Variants in GNAQ observed in about 807,000 individuals in gnomAD.
The protein encoded by GNAQ is G protein subunit alpha q.
GNAQ carries 8 observed loss-of-function variants against 43.9 expected under a neutral mutation model. The observed-to-expected ratio is 0.18, with a 90% CI of 0.11 to 0.33. The LOEUF (loss-of-function observed/expected upper bound fraction) is 0.33. Ranked by LOEUF, GNAQ falls within the 10% of genes least tolerant of loss-of-function variation. The pLI is 1.00. For synonymous variants in GNAQ, 155 were observed against 170.7 expected, an observed-to-expected ratio of 0.91 and a Z score of 0.71; for missense variants, 158 against 450.8, an observed-to-expected ratio of 0.35 and a Z score of 5.88.
At chr9:78,020,316 C>T (rs1198533773) in intron 1 of GNAQ, among the ~76,000 whole-genome samples, 1 of 152,014 alleles carries the variant, frequency 6.6e-6, no homozygotes, top group Non-Finnish European at 1.5e-5. Context: ...TCACCTGAAA[C>T]AGCTGACAGA....
At chr9:77,797,718 G>A (rs2118457493) in intron 3 of GNAQ, 70 bp from the exon 4 acceptor site, 23 of 1,385,070 alleles carry the variant, frequency 1.7e-5, no homozygotes, top group Admixed American at 5.8e-5. Context: ...GGAAAGGGAA[G>A]GACAAAAATG....
At chr9:77,950,354 T>C (rs958242384) in intron 1 of GNAQ, among the ~76,000 whole-genome samples, 20 of 152,338 alleles carry the variant, frequency 1.3e-4, no homozygotes, top group African/African-American at 4.8e-4. Flanking sequence ...CCACGCTACA[T>C]GGCTGTCACT....
chr9:78,008,841 T>C (rs990146460), intron 1 of GNAQ, among the ~76,000 whole-genome samples: 3 of 152,164 alleles, frequency 2.0e-5, no homozygotes, highest in Non-Finnish European at 2.9e-5. Context: ...ATGGTCTAGA[T>C]TTCCTGACCT....
intron 1 of GNAQ, among the ~76,000 whole-genome samples, chr9:77,975,608 C>T (rs914587956): frequency 2.1e-5 from 3 of 146,256 alleles, no homozygotes; most frequent in Non-Finnish European, 4.5e-5. Context: ...GGCGCGATCT[C>T]GGTTCACTGC....
At chr9:78,007,958 T>C (rs888471631) in intron 1 of GNAQ, among the ~76,000 whole-genome samples, 2 of 152,232 alleles carry the variant, frequency 1.3e-5, no homozygotes, top group Non-Finnish European at 2.9e-5. Flanking sequence ...AAAATTTTTT[T>C]TGGAATAATT....
At chr9:77,863,590 C>A (rs1428752702) in intron 2 of GNAQ, among the ~76,000 whole-genome samples, 1 of 152,180 alleles carries the variant, frequency 6.6e-6, no homozygotes, top group African/African-American at 2.4e-5. Flanking sequence ...TTTCGGGTAT[C>A]TTTTCAGCAG....
intron 5 of GNAQ, among the ~76,000 whole-genome samples, chr9:77,772,632 G>T (rs965065): frequency 0.53 from 81,134 of 152,006 alleles, 24,768 homozygotes; most frequent in Middle Eastern, 0.69. Context: ...GAGAGAAAGA[G>T]ATTCCCAACC....
At chr9:78,024,264 G>T (rs1018091285) in intron 1 of GNAQ, among the ~76,000 whole-genome samples, 6 of 152,142 alleles carry the variant, frequency 3.9e-5, no homozygotes, top group African/African-American at 1.4e-4. Flanking sequence ...CTTTAAAACG[G>T]AATTCCTTTC....
At chr9:77,837,601 A>AT (rs1296843782) in intron 2 of GNAQ, among the ~76,000 whole-genome samples, 1 of 151,830 alleles carries the variant, frequency 6.6e-6, no homozygotes, top group Non-Finnish European at 1.5e-5. Flanking sequence ...CATATGATTG[A>AT]TTTTTTAAAA....
intron 2 of GNAQ, among the ~76,000 whole-genome samples, chr9:77,866,290 C>T (rs111678439): frequency 2.6e-5 from 4 of 152,080 alleles, no homozygotes; most frequent in Non-Finnish European, 5.9e-5. Context: ...CCAGCCTGGC[C>T]AACATGGTGA....
At chr9:77,806,274 A>C (rs1826828452) in intron 3 of GNAQ, among the ~76,000 whole-genome samples, 3 of 152,242 alleles carry the variant, frequency 2.0e-5, no homozygotes, top group Admixed American at 2.0e-4. Context: ...AAACATATCA[A>C]GAAATAGCTG....
intron 3 of GNAQ, among the ~76,000 whole-genome samples, chr9:77,814,153 T>A (rs1826974739): frequency 6.6e-6 from 1 of 151,694 alleles, no homozygotes; most frequent in Non-Finnish European, 1.5e-5. Context: ...AGACAGCTGG[T>A]CAAAGGTTGA....
chr9:77,960,410 A>C (rs1033601989), intron 1 of GNAQ, among the ~76,000 whole-genome samples: 23 of 152,114 alleles, frequency 1.5e-4, no homozygotes, highest in African/African-American at 5.3e-4. Flanking sequence ...TAATTTGAAT[A>C]TTTTCAGTGG....
chr9:77,935,753 A>C (rs1307387514), intron 1 of GNAQ, among the ~76,000 whole-genome samples: 2 of 152,106 alleles, frequency 1.3e-5, no homozygotes, highest in Admixed American at 6.6e-5. Flanking sequence ...AATTTATTTC[A>C]CCTGATTGCC....
chr9:78,002,138 C>T (rs1208913354), intron 1 of GNAQ, among the ~76,000 whole-genome samples: 1 of 152,164 alleles, frequency 6.6e-6, no homozygotes, highest in Non-Finnish European at 1.5e-5. Context: ...AACCATTCCA[C>T]ATAATATTAT....
intron 5 of GNAQ, among the ~76,000 whole-genome samples, chr9:77,768,946 G>C (rs1360732922): frequency 1.3e-5 from 2 of 152,198 alleles, no homozygotes; most frequent in African/African-American, 4.8e-5. Flanking sequence ...AAAGTAGAAT[G>C]AGATGGCTAG....
At chr9:77,756,011 T>C (rs1825897796) in intron 5 of GNAQ, among the ~76,000 whole-genome samples, 1 of 152,154 alleles carries the variant, frequency 6.6e-6, no homozygotes, top group African/African-American at 2.4e-5. Context: ...CAACTGCCAG[T>C]GCAGCCGGAA....
At chr9:77,914,603 G>T (rs1476285812) in intron 2 of GNAQ, among the ~76,000 whole-genome samples, 1 of 151,832 alleles carries the variant, frequency 6.6e-6, no homozygotes, top group African/African-American at 2.4e-5. Context: ...CGGAGGTTGC[G>T]GTGAGCCGAG....
chr9:77,900,952 C>T (rs944670654), intron 2 of GNAQ, among the ~76,000 whole-genome samples: 1 of 152,184 alleles, frequency 6.6e-6, no homozygotes, highest in African/African-American at 2.4e-5. Flanking sequence ...TAGTTTCCCT[C>T]TTTACCAGCA....
Sources: allele counts gnomAD v4.1 joint callset (sites outside exome capture counted in the v4.1 genomes callset), GRCh38; gene constraint gnomAD v4.1.1; transcripts MANE v1.5; gene names NCBI Gene and HGNC (gene_info 2026-07-23, HGNC 2026-07-21).